The following FOXN3 variants were observed in gnomAD, a reference collection of about 807,000 sequenced individuals.
FOXN3 encodes the protein forkhead box N3, also known as forkhead box protein N3.
In FOXN3, 7 loss-of-function variants were observed where a neutral mutation model predicts 38.4. The ratio of observed to expected loss-of-function variants is 0.18; its 90% confidence interval spans 0.10 to 0.34. The LOEUF (loss-of-function observed/expected upper bound fraction) is 0.34. FOXN3 is among the 10% of genes least tolerant of loss of function. FOXN3 has a pLI of 1.00. For synonymous variants in FOXN3, 230 were observed against 242.2 expected, an observed-to-expected ratio of 0.95 and a Z score of 0.47; for missense variants, 456 against 613.4, an observed-to-expected ratio of 0.74 and a Z score of 2.71.
chr14:89,469,922 A>G (rs560463830), intron 1 of FOXN3, among the ~76,000 whole-genome samples: 2 of 152,366 alleles, frequency 1.3e-5, no homozygotes, highest in South Asian at 4.1e-4. Context: ...ACGGGCTTCC[A>G]CGCAGGTGCG....
intron 2 of FOXN3, chr14:89,401,527 A>G (rs1182756167): frequency 4.4e-6 from 2 of 453,158 alleles, no homozygotes; most frequent in East Asian, 7.0e-5. Context: ...TTCGGCACAC[A>G]GTGCGGTATT....
chr14:89,246,599 G>A (rs1461454984), intron 4 of FOXN3, among the ~76,000 whole-genome samples: 2 of 130,400 alleles, frequency 1.5e-5, no homozygotes, highest in Admixed American at 9.1e-5. Context: ...GAGTTCAGGG[G>A]CGTGGTCTCG....
intron 4 of FOXN3, among the ~76,000 whole-genome samples, chr14:89,240,756 A>G (rs779448063): frequency 6.6e-6 from 1 of 152,232 alleles, no homozygotes; most frequent in African/African-American, 2.4e-5. Context: ...TTTTCACTAT[A>G]TATCTTTTGG....
At chr14:89,366,594 T>C (rs1026117969) in intron 2 of FOXN3, among the ~76,000 whole-genome samples, 1 of 152,220 alleles carries the variant, frequency 6.6e-6, no homozygotes, top group African/African-American at 2.4e-5. Context: ...ATAAATAATG[T>C]GTTTAAATAC....
chr14:89,316,798 T>TG (rs1887732274), intron 3 of FOXN3, among the ~76,000 whole-genome samples: 1 of 152,036 alleles, frequency 6.6e-6, no homozygotes, highest in Non-Finnish European at 1.5e-5. Context: ...CCCGAGTAGC[T>TG]AGATTACAGG....
intron 1 of FOXN3, among the ~76,000 whole-genome samples, chr14:89,543,680 C>A (rs534327228): frequency 1.3e-5 from 2 of 152,338 alleles, no homozygotes; most frequent in South Asian, 2.1e-4. Flanking sequence ...CCATCACTTA[C>A]AACTAACTTG....
At chr14:89,260,650 T>G (rs2139891085) in intron 4 of FOXN3, among the ~76,000 whole-genome samples, 1 of 152,340 alleles carries the variant, frequency 6.6e-6, no homozygotes, top group South Asian at 2.1e-4. Context: ...TTATTTGAAG[T>G]GTAGAATGCT....
chr14:89,341,321 C>A (rs554572351), intron 3 of FOXN3, among the ~76,000 whole-genome samples: 20 of 152,188 alleles, frequency 1.3e-4, no homozygotes, highest in Non-Finnish European at 2.8e-4. Flanking sequence ...TCCATCAAGT[C>A]CAAATCTGTC....
intron 1 of FOXN3, among the ~76,000 whole-genome samples, chr14:89,444,627 A>G (rs1892456546): frequency 6.6e-6 from 1 of 152,212 alleles, no homozygotes; most frequent in African/African-American, 2.4e-5. Flanking sequence ...AAACAGCTAA[A>G]GTAGCTTTCT....
rs977653965 is a variant in FOXN3 at position 89,412,647 on chromosome 14, C to T, written c.-14-157G>A. 6.6e-6 allele frequency among the ~76,000 whole-genome samples: 1 copy of T among 152,168 alleles called. No homozygotes were observed. The highest frequency in any genetic ancestry group is 2.4e-5 in the African/African-American group (1 of 41,434). On this transcript the variant is annotated intron_variant, in intron 1 of 5. Coordinates refer to ENST00000557258, the MANE Select transcript of FOXN3 (RefSeq NM_005197.4). This position sits in a 1 kb window ranked among gnomAD's most constrained non-coding sequence, Gnocchi z 4.7. Reference sequence around the variant, plus strand: ...TGACTCCCACACTAAGCAACACAATCCCACAATTCCACCACAGAGAGATAG... The same window carrying T: ...TGACTCCCACACTAAGCAACACAATTCCACAATTCCACCACAGAGAGATAG...
chr14:89,211,499 G>A (rs1266320329), intron 4 of FOXN3, among the ~76,000 whole-genome samples: 8 of 152,306 alleles, frequency 5.3e-5, no homozygotes, highest in Middle Eastern at 3.4e-3. Flanking sequence ...GCAAAGAGTC[G>A]CTTATACTGA....
chr14:89,579,916 CACTT>C (rs1414991828), intron 1 of FOXN3, among the ~76,000 whole-genome samples: 3 of 152,150 alleles, frequency 2.0e-5, no homozygotes, highest in Admixed American at 6.5e-5. Flanking sequence ...TACCCAATAA[CACTT>C]AATAAATACA....
chr14:89,311,254 CCAGGT>C (rs1347690466), intron 3 of FOXN3, among the ~76,000 whole-genome samples: 5 of 151,292 alleles, frequency 3.3e-5, no homozygotes, highest in African/African-American at 1.2e-4. Flanking sequence ...CTTTGGGAGG[CCAGGT>C]CAGGAGTTCG....
chr14:89,280,889 G>A, intron 4 of FOXN3, 61 bp downstream of exon 4: 1 of 1,421,918 alleles, frequency 7.0e-7, no homozygotes, highest in Non-Finnish European at 9.9e-7. Flanking sequence ...AAGCACAAAG[G>A]AGTGATGAAA....
rs192038187 is a variant in FOXN3, at chr14:89,339,221, G to A, written c.680+11451C>T. ...ACCCCTGACCTCAGGTGATCTGCCC[G>A]CCTCGGCCTCCCAAAGTGCTGAGAT... On this transcript the variant is annotated intron_variant, in intron 3 of 5. Transcript: ENST00000557258. Among the ~76,000 whole-genome samples the A allele has an allele frequency of 3.1e-4, 47 of 152,182 alleles. No homozygotes were observed. The East Asian group carries it at 8.1e-3, about 26-fold the overall frequency.
At chr14:89,375,957 A>AT (rs1380679848) in intron 2 of FOXN3, among the ~76,000 whole-genome samples, 1 of 151,774 alleles carries the variant, frequency 6.6e-6, no homozygotes, top group African/African-American at 2.4e-5. Flanking sequence ...ATTTTTTTGT[A>AT]TTTTTAGTAG....
chr14:89,338,913 T>C (rs1888539411), intron 3 of FOXN3, among the ~76,000 whole-genome samples: 1 of 152,226 alleles, frequency 6.6e-6, no homozygotes, highest in African/African-American at 2.4e-5. Flanking sequence ...TCAATGACTT[T>C]CCCTGGGCCA....
intron 1 of FOXN3, among the ~76,000 whole-genome samples, chr14:89,524,346 G>C (rs919768791): frequency 9.4e-6 from 1 of 105,912 alleles, no homozygotes; most frequent in African/African-American, 3.6e-5. Context: ...CTGCACTCCA[G>C]CCTGGCGACA....
intron 1 of FOXN3, among the ~76,000 whole-genome samples, chr14:89,531,958 GCCACCACA>G (rs1894580038): frequency 6.6e-6 from 1 of 152,152 alleles, no homozygotes; most frequent in South Asian, 2.1e-4. Context: ...ACAGGCATGA[GCCACCACA>G]CCTGGCCTTA....
Sources: allele counts gnomAD v4.1 joint callset (sites outside exome capture counted in the v4.1 genomes callset), GRCh38; gene constraint gnomAD v4.1.1; non-coding constraint Gnocchi (gnomAD v3.1); transcripts MANE v1.5; gene names NCBI Gene and HGNC (gene_info 2026-07-23, HGNC 2026-07-21).